The following ADCY2 variants were observed in gnomAD, a reference collection of about 807,000 sequenced individuals.
ADCY2 encodes the protein adenylate cyclase 2.
A neutral mutation model predicts 125.2 loss-of-function variants in ADCY2; 31 were observed. That is an observed-to-expected ratio of 0.25 (90% CI 0.19 to 0.33). The LOEUF (loss-of-function observed/expected upper bound fraction) is 0.33. Ranked by LOEUF, ADCY2 falls within the 10% of genes least tolerant of loss-of-function variation. ADCY2 has a pLI of 1.00. For synonymous variants in ADCY2, 512 were observed against 548.4 expected (o/e 0.93, Z 0.93); for missense variants, 904 against 1,418.2 (o/e 0.64, Z 5.82).
At chr5:7,644,843 C>G (rs2126677028) in intron 4 of ADCY2, among the ~76,000 whole-genome samples, 1 of 152,240 alleles carries the variant, frequency 6.6e-6, no homozygotes. Flanking sequence ...TTCATACACT[C>G]CGCCCCACCA....
At chr5:7,445,006 T>TAATCAAA (rs551211667) in intron 2 of ADCY2, among the ~76,000 whole-genome samples, 137 of 152,336 alleles carry the variant, frequency 9.0e-4, no homozygotes, top group African/African-American at 3.0e-3. Flanking sequence ...CATTTACCTT[T>TAATCAAA]GATTTAAGTT....
chr5:7,627,201 G>T (rs1159225989), intron 4 of ADCY2, among the ~76,000 whole-genome samples: 1 of 152,120 alleles, frequency 6.6e-6, no homozygotes, highest in Admixed American at 6.5e-5. Context: ...GTCTGGGGAG[G>T]AGCCAGGTGT....
At chr5:7,515,758 A>C (rs1364725870) in intron 2 of ADCY2, among the ~76,000 whole-genome samples, 1 of 152,158 alleles carries the variant, frequency 6.6e-6, no homozygotes, top group Non-Finnish European at 1.5e-5. Flanking sequence ...GGCATCTACC[A>C]TATGTGAGGT....
At chr5:7,683,839 G>A (rs1740420839) in intron 4 of ADCY2, among the ~76,000 whole-genome samples, 1 of 152,176 alleles carries the variant, frequency 6.6e-6, no homozygotes, top group Non-Finnish European at 1.5e-5. Context: ...TCATCAAATC[G>A]ATACCAATGT....
Position 7,435,980 on chromosome 5 carries a change from T to A in ADCY2, c.408+21210T>A, listed in dbSNP as rs186367941. ...CCTTGGTTTTTGAGTAGAGTCAGAA[T>A]GGAGTGAAAATATAGTCAGTTTCCA... On this transcript the variant is annotated intron_variant, in intron 2 of 24. Coordinates refer to ENST00000338316, the MANE Select transcript of ADCY2 (RefSeq NM_020546.3). Among the ~76,000 whole-genome samples the A allele has an allele frequency of 3.8e-3, 574 of 152,332 alleles. 3 individuals carry two copies. Among genetic ancestry groups the A allele is most frequent in the Non-Finnish European group, 6.7e-3 (457 of 68,024 alleles).
chr5:7,684,470 G>A (rs931109917), intron 4 of ADCY2, among the ~76,000 whole-genome samples: 1 of 152,180 alleles, frequency 6.6e-6, no homozygotes, highest in African/African-American at 2.4e-5. Context: ...AACAGTTCCG[G>A]TTTAGAAATA....
At chr5:7,419,975 A>G (rs1238125576) in intron 2 of ADCY2, among the ~76,000 whole-genome samples, 1 of 152,174 alleles carries the variant, frequency 6.6e-6, no homozygotes, top group Non-Finnish European at 1.5e-5. Context: ...GCTGAAGTAC[A>G]AAGGAATTTG....
intron 3 of ADCY2, among the ~76,000 whole-genome samples, chr5:7,594,941 C>T (rs1380332960): frequency 6.6e-6 from 1 of 152,140 alleles, no homozygotes; most frequent in Non-Finnish European, 1.5e-5. Flanking sequence ...AGGACAGAGT[C>T]CAGAGCCTGC....
chr5:7,694,128 G>A (rs762994523), intron 5 of ADCY2, among the ~76,000 whole-genome samples: 1 of 152,160 alleles, frequency 6.6e-6, no homozygotes, highest in Non-Finnish European at 1.5e-5. Context: ...GTGTCCCTCA[G>A]CAGAGGAGCA....
intron 4 of ADCY2, among the ~76,000 whole-genome samples, chr5:7,671,912 G>A (rs770551145): frequency 2.7e-4 from 41 of 152,142 alleles, no homozygotes; most frequent in African/African-American, 6.0e-4. Context: ...ATGATGCCCC[G>A]GAAGGTTAGG....
intron 3 of ADCY2, among the ~76,000 whole-genome samples, chr5:7,531,953 C>G (rs17827324): frequency 3.3e-5 from 5 of 152,190 alleles, no homozygotes; most frequent in Non-Finnish European, 7.4e-5. Context: ...GCAGACTGTT[C>G]CATGTATTCT....
At chr5:7,508,936 G>T (rs1160296976) in intron 2 of ADCY2, among the ~76,000 whole-genome samples, 2 of 152,206 alleles carry the variant, frequency 1.3e-5, no homozygotes, top group East Asian at 1.9e-4. Context: ...AACAGAGTTT[G>T]CTTTAACTAC....
intron 3 of ADCY2, among the ~76,000 whole-genome samples, chr5:7,532,741 C>G (rs1448178380): frequency 2.0e-5 from 3 of 152,028 alleles, no homozygotes; most frequent in Non-Finnish European, 4.4e-5. Context: ...TATGATTTCT[C>G]TCCTTTTGTA....
chr5:7,665,913 A>T (rs1463336652), intron 4 of ADCY2, among the ~76,000 whole-genome samples: 10 of 120,448 alleles, frequency 8.3e-5, no homozygotes, highest in Admixed American at 1.2e-4. Flanking sequence ...ATCTCGGCTC[A>T]CTGCAAGCTC....
chr5:7,792,528 T>C (rs972352468), intron 20 of ADCY2, among the ~76,000 whole-genome samples: 1 of 152,116 alleles, frequency 6.6e-6, no homozygotes, highest in African/African-American at 2.4e-5. Flanking sequence ...GAAGGTACCC[T>C]GGCCCCAGGG....
chr5:7,524,841 A>G (rs1579535666), intron 3 of ADCY2, among the ~76,000 whole-genome samples: 2 of 151,896 alleles, frequency 1.3e-5, no homozygotes, highest in East Asian at 1.9e-4. Context: ...CATAGAAATT[A>G]CTCTTTTCCT....
At position 7,589,528 on chromosome 5, in the gene ADCY2, A is replaced by AAGAGAAAGAGAAAG. The variant is rs376178493; in HGVS notation, c.571-36636_571-36635insGAAAGAGAAAGAGA. On this transcript the variant is annotated intron_variant, in intron 3 of 24. Coordinates refer to ENST00000338316, the MANE Select transcript of ADCY2 (RefSeq NM_020546.3). ...AAAGAAAGAAAAGAAAAGAAAGAGAAAGAAAGAAAGGAGGGAGGGAAGGAG... is the reference window on the plus strand; with the variant it reads ...AAAGAAAGAAAAGAAAAGAAAGAGAAAGAGAAAGAGAAAGAGAAAGAAAGGAGGGAGGGAAGGAG... Among the ~76,000 whole-genome samples the AAGAGAAAGAGAAAG allele has an allele frequency of 8.5e-3, 1,114 of 131,828 alleles. 8 individuals are homozygous for AAGAGAAAGAGAAAG. Among genetic ancestry groups the AAGAGAAAGAGAAAG allele is most frequent in the African/African-American group, 0.033 (1,050 of 32,138 alleles). The allele number at this position is 131,828 out of a possible 152,430, so 86.5% of individuals were successfully genotyped here. A position where few individuals can be genotyped will look rare whatever the true frequency, so the allele number is the denominator to read the frequency against.
chr5:7,667,495 C>A (rs1739797175), intron 4 of ADCY2, among the ~76,000 whole-genome samples: 1 of 151,766 alleles, frequency 6.6e-6, no homozygotes, highest in South Asian at 2.1e-4. Flanking sequence ...GATTCATTGA[C>A]TTTTCTTCAT....
intron 1 of ADCY2, among the ~76,000 whole-genome samples, chr5:7,412,273 A>G (rs1041968808): frequency 1.3e-5 from 2 of 151,896 alleles, no homozygotes; most frequent in African/African-American, 4.8e-5. Context: ...TGATTGTTTC[A>G]CCCCTGCTGG....
Sources: gnomAD v4.1 joint callset for allele counts (sites outside exome capture counted in the v4.1 genomes callset) on GRCh38, gnomAD v4.1.1 for gene constraint, MANE v1.5 for transcripts, NCBI Gene and HGNC (gene_info 2026-07-23, HGNC 2026-07-21) for gene names.